The following ARHGAP26 variants were observed in gnomAD, a reference collection of about 807,000 sequenced individuals.
ARHGAP26 encodes the protein Rho GTPase activating protein 26, also known as rho GTPase-activating protein 26.
Under a neutral mutation model 104.8 loss-of-function variants are expected in ARHGAP26, and 38 were observed. The observed-to-expected ratio is 0.36, with a 90% CI of 0.28 to 0.48. The LOEUF (loss-of-function observed/expected upper bound fraction) is 0.48, where lower values mean the gene tolerates loss of function less well. Ranked by LOEUF, ARHGAP26 falls within the 20% of genes least tolerant of loss-of-function variation. The pLI is 0.99. For synonymous variants in ARHGAP26, 341 were observed against 340.0 expected, an observed-to-expected ratio of 1.00 and a Z score of -0.03; for missense variants, 704 against 947.9, an observed-to-expected ratio of 0.74 and a Z score of 3.38.
At chr5:143,054,305 TA>T (rs1257448483) in intron 14 of ARHGAP26, 133 bp from the exon 15 acceptor site, 60 of 570,168 alleles carry the variant, frequency 1.1e-4, no homozygotes, top group Non-Finnish European at 1.5e-4. Flanking sequence ...ATTTAATAGG[TA>T]AAAAAAATAC....
chr5:143,013,953 G>A, intron 11 of ARHGAP26, 127 bp from the exon 12 acceptor site: 1 of 848,430 alleles, frequency 1.2e-6, no homozygotes, highest in Non-Finnish European at 1.9e-6. Flanking sequence ...TTCATGTTTG[G>A]GAGCCAGAAA....
chr5:142,993,582 G>A (rs941060096), intron 11 of ARHGAP26, among the ~76,000 whole-genome samples: 8 of 152,186 alleles, frequency 5.3e-5, no homozygotes, highest in Admixed American at 5.2e-4. Context: ...TGGGATTATA[G>A]GTGTGAGCCA....
intron 1 of ARHGAP26, chr5:142,859,480 A>T (rs1752944900): frequency 6.6e-6 from 1 of 152,338 alleles, no homozygotes; most frequent in East Asian, 1.9e-4. Flanking sequence ...TCTTCTAAAA[A>T]GGAAGAATTA....
At position 142,871,019 on chromosome 5, in the gene ARHGAP26, C is replaced by T. The variant is rs1417346099; in HGVS notation, c.155-2381C>T. 1.3e-5 allele frequency among the ~76,000 whole-genome samples: 2 copies of T among 152,194 alleles called. No homozygotes were observed. Among genetic ancestry groups the T allele is most frequent in the Non-Finnish European group, 2.9e-5 (2 of 68,030 alleles). On this transcript the variant is annotated intron_variant, in intron 1 of 22. Transcript: ENST00000645722. The surrounding 1 kb of genome is among the most constrained non-coding windows in gnomAD (Gnocchi z 4.1). ...TCAAGCCTGAGGTGAGTTCCTTTTT[C>T]AGGTCCATTCATCAGGATTCTCGCT...
chr5:142,793,319 G>C (rs570464887), intron 1 of ARHGAP26, among the ~76,000 whole-genome samples: 1 of 148,214 alleles, frequency 6.7e-6, no homozygotes, highest in East Asian at 2.1e-4. Context: ...GCTTTGGTAG[G>C]AGGTGATGAA....
At chr5:142,877,775 A>G (rs1756343271) in intron 3 of ARHGAP26, among the ~76,000 whole-genome samples, 1 of 152,244 alleles carries the variant, frequency 6.6e-6, no homozygotes. Context: ...ATTCTGAGTT[A>G]GTTGGAGTGT....
chr5:143,145,868 G>A (rs189909175), intron 19 of ARHGAP26, among the ~76,000 whole-genome samples: 2 of 152,096 alleles, frequency 1.3e-5, no homozygotes, highest in Non-Finnish European at 2.9e-5. Flanking sequence ...TGTATTTAAC[G>A]TGAGGCTTAC....
intron 11 of ARHGAP26, among the ~76,000 whole-genome samples, chr5:142,939,354 G>A (rs985710642): frequency 6.6e-6 from 1 of 152,174 alleles, no homozygotes; most frequent in African/African-American, 2.4e-5. Flanking sequence ...AGAAGGAAGA[G>A]GCTAAGGAAA....
chr5:142,936,172 C>T (rs1765395829), intron 11 of ARHGAP26, among the ~76,000 whole-genome samples: 1 of 150,688 alleles, frequency 6.6e-6, no homozygotes, highest in African/African-American at 2.5e-5. Flanking sequence ...TAGGTGAGTT[C>T]AGCAAGGTCA....
At chr5:143,140,557 A>G (rs958725856) in intron 19 of ARHGAP26, among the ~76,000 whole-genome samples, 3 of 152,228 alleles carry the variant, frequency 2.0e-5, no homozygotes, top group Non-Finnish European at 2.9e-5. Context: ...TATGATGATT[A>G]TCATCACGCT....
intron 22 of ARHGAP26, chr5:143,216,586 C>G (rs1421352411): frequency 3.3e-6 from 1 of 304,868 alleles, no homozygotes; most frequent in East Asian, 8.1e-5. Context: ...ACAACATGGT[C>G]GTCATCATAA....
intron 6 of ARHGAP26, among the ~76,000 whole-genome samples, chr5:142,897,312 T>C (rs1759610293): frequency 6.6e-6 from 1 of 152,212 alleles, no homozygotes; most frequent in Non-Finnish European, 1.5e-5. Context: ...AAGATAGTAA[T>C]AGGGATTTGC....
intron 1 of ARHGAP26, among the ~76,000 whole-genome samples, chr5:142,785,250 T>G (rs1758337548): frequency 6.6e-6 from 1 of 152,222 alleles, no homozygotes. Context: ...CTCTCCTATC[T>G]GCTTCGTCTC....
At chr5:143,033,995 A>G (rs116028299) in intron 12 of ARHGAP26, among the ~76,000 whole-genome samples, 96 of 152,356 alleles carry the variant, frequency 6.3e-4, no homozygotes, top group African/African-American at 2.3e-3. Context: ...CCTGCACATG[A>G]AAAGATTCCC....
At chr5:142,957,064 C>CA (rs1339737093) in intron 11 of ARHGAP26, among the ~76,000 whole-genome samples, 3 of 152,054 alleles carry the variant, frequency 2.0e-5, no homozygotes, top group Non-Finnish European at 4.4e-5. Context: ...TTGTCATAGA[C>CA]AAAGGAGGAG....
At chr5:142,884,141 A>G (rs778756257) in intron 4 of ARHGAP26, among the ~76,000 whole-genome samples, 2 of 152,222 alleles carry the variant, frequency 1.3e-5, no homozygotes, top group African/African-American at 2.4e-5. Context: ...CCAAGTGCCA[A>G]CCTTCTTCCA....
chr5:142,863,491 GCCATTTCTGGTT>G (rs1431921312), intron 1 of ARHGAP26, among the ~76,000 whole-genome samples: 2 of 152,194 alleles, frequency 1.3e-5, no homozygotes, highest in Admixed American at 6.5e-5. Context: ...AAGGAGACAC[GCCATTTCTGGTT>G]CTTTTTCTGG....
chr5:142,844,550 C>T (rs1211078207), intron 1 of ARHGAP26, among the ~76,000 whole-genome samples: 1 of 151,990 alleles, frequency 6.6e-6, no homozygotes, highest in East Asian at 1.9e-4. Context: ...CCTTCTAGAG[C>T]TCTTTGAGAA....
intron 5 of ARHGAP26, among the ~76,000 whole-genome samples, chr5:142,890,335 A>G (rs778028471): frequency 1.2e-4 from 18 of 150,970 alleles, no homozygotes; most frequent in Non-Finnish European, 2.5e-4. Flanking sequence ...ACACCAGGTG[A>G]AAAGGTTGTG....
Sources: gnomAD v4.1 joint callset for allele counts (sites outside exome capture counted in the v4.1 genomes callset) on GRCh38, gnomAD v4.1.1 for gene constraint, Gnocchi (gnomAD v3.1) non-coding constraint, MANE v1.5 for transcripts, NCBI Gene and HGNC (gene_info 2026-07-23, HGNC 2026-07-21) for gene names.